The following DSCAML1 variants were observed in gnomAD, a reference collection of about 807,000 sequenced individuals.
DSCAML1 encodes the protein cell adhesion molecule DSCAML1.
DSCAML1 carries 38 observed loss-of-function variants against 200.5 expected under a neutral mutation model. The observed-to-expected ratio is 0.19, with a 90% CI of 0.15 to 0.25. The LOEUF (loss-of-function observed/expected upper bound fraction) is 0.25, where lower values mean the gene tolerates loss of function less well. Ranked by LOEUF, DSCAML1 falls within the 10% of genes least tolerant of loss-of-function variation. The pLI is 1.00. For synonymous variants in DSCAML1, 1,215 were observed against 1,165.0 expected (o/e 1.04, Z -0.87); for missense variants, 2,223 against 2,858.8 (o/e 0.78, Z 5.07).
At chr11:117,600,402 A>G (rs1377925124) in intron 3 of DSCAML1, among the ~76,000 whole-genome samples, 1 of 152,172 alleles carries the variant, frequency 6.6e-6, no homozygotes, top group East Asian at 1.9e-4. Flanking sequence ...GTAGAGCCGA[A>G]TCTCACTCTG....
At position 117,439,360 on chromosome 11, in the gene DSCAML1, C is replaced by T. The variant is rs751571225; in HGVS notation, c.4050G>A (p.Leu1350=). 5 of 1,613,896 alleles carry T rather than the reference C, an allele frequency of 3.1e-6. No individual in the cohort carries two copies. Among genetic ancestry groups the T allele is most frequent in the South Asian group, 1.1e-5 (1 of 91,088 alleles). ...RLIHTNGTLL[L]RAVKAEDSGY... Reference sequence around the variant, plus strand: ...CAGAGTCCTCAGCCTTCACTGCACGCAGCAGCAGTGTGCCATTGGTGTGGA... The same window carrying T: ...CAGAGTCCTCAGCCTTCACTGCACGTAGCAGCAGTGTGCCATTGGTGTGGA... Residue 1350 remains leucine (L), a synonymous_variant, in exon 23 of 33, where the codon CTG becomes CTA. Coordinates refer to ENST00000651296, the MANE Select transcript of DSCAML1 (RefSeq NM_020693.4).
chr11:117,534,385 A>G (rs2050130504), intron 3 of DSCAML1, among the ~76,000 whole-genome samples: 1 of 151,950 alleles, frequency 6.6e-6, no homozygotes, highest in East Asian at 1.9e-4. Flanking sequence ...GGGCTGGGGA[A>G]CTCCCTCCCT....
intron 11 of DSCAML1, among the ~76,000 whole-genome samples, chr11:117,492,712 C>CGGGTGG (rs892572883): frequency 1.2e-4 from 18 of 152,154 alleles, no homozygotes; most frequent in Non-Finnish European, 2.1e-4. Context: ...GTTGGCGCGC[C>CGGGTGG]GGGTGGTCGG....
chr11:117,504,907 C>A lies in DSCAML1; in HGVS notation c.2182+17G>T. ...TCCCTGCCCTTCTTGGAGATTCTGGCTGGGCCAGGGGCTTACCCTTGGCAT... is the reference window on the plus strand; with the variant it reads ...TCCCTGCCCTTCTTGGAGATTCTGGATGGGCCAGGGGCTTACCCTTGGCAT... On this transcript the variant is annotated intron_variant, in intron 10 of 32. Transcript: ENST00000651296. This position sits in a 1 kb window ranked among gnomAD's most constrained non-coding sequence, Gnocchi z 5.0. 6.3e-7 allele frequency: 1 copy of A among 1,586,426 alleles called. No individual in the cohort carries two copies. Among genetic ancestry groups the A allele is most frequent in the Non-Finnish European group, 8.6e-7 (1 of 1,162,228 alleles).
intron 3 of DSCAML1, among the ~76,000 whole-genome samples, chr11:117,637,136 T>G (rs1238577043): frequency 6.6e-6 from 1 of 152,060 alleles, no homozygotes; most frequent in Admixed American, 6.5e-5. Context: ...CTTGGGCCCT[T>G]GCCTCCAAGG....
chr11:117,759,199 G>A (rs942099150), intron 3 of DSCAML1, among the ~76,000 whole-genome samples: 4 of 152,090 alleles, frequency 2.6e-5, no homozygotes, highest in Non-Finnish European at 4.4e-5. Flanking sequence ...AAATACCCAG[G>A]GCATTAGGCT....
intron 3 of DSCAML1, among the ~76,000 whole-genome samples, chr11:117,641,523 T>G (rs2052407348): frequency 1.3e-5 from 2 of 152,192 alleles, no homozygotes; most frequent in African/African-American, 4.8e-5. Context: ...CCCTCCCATG[T>G]GACCTGGCCA....
chr11:117,685,254 G>A (rs2053385076), intron 3 of DSCAML1, among the ~76,000 whole-genome samples: 1 of 152,222 alleles, frequency 6.6e-6, no homozygotes, highest in African/African-American at 2.4e-5. Context: ...CTAAGATGAA[G>A]CTCAGACAGG....
Position 117,428,539 on chromosome 11 carries a change from G to A in DSCAML1, c.5951C>T (p.Ala1984Val), listed in dbSNP as rs760492346. ...AGGGGTGGGGCCGGGGGCTGGGGGG[G>A]CTGTGCCGGCTGGGGGGGCTGGCAT... ...LAMPAPPAGT[A>V]PPAPGPTPAE... Residue 1984 changes from alanine to valine, a missense_variant, in exon 33 of 33, where the codon GCC becomes GTC. Around this residue, in one of 7 missense-constraint regions of DSCAML1, gnomAD observed 280 missense variants for 213.4 expected, o/e 1.31. Coordinates refer to ENST00000651296, the MANE Select transcript of DSCAML1 (RefSeq NM_020693.4). 1.6e-4 allele frequency: 237 copies of A among 1,502,994 alleles called. No individual in the cohort carries two copies. The Middle Eastern group carries it at 2.8e-3, about 18-fold the overall frequency. 93.1% of individuals were successfully genotyped at this position (1,502,994 alleles called of 1,614,324 possible).
At chr11:117,663,747 A>G (rs1565860113) in intron 3 of DSCAML1, among the ~76,000 whole-genome samples, 2 of 152,014 alleles carry the variant, frequency 1.3e-5, no homozygotes, top group Non-Finnish European at 2.9e-5. Flanking sequence ...CCCTGGTGGG[A>G]GGCATTCTGT....
At chr11:117,441,999 G>T (rs544201786) in intron 21 of DSCAML1, among the ~76,000 whole-genome samples, 4 of 149,814 alleles carry the variant, frequency 2.7e-5, no homozygotes, top group Non-Finnish European at 5.9e-5. Flanking sequence ...TGTATGTGTG[G>T]GTGTGTATGT....
intron 3 of DSCAML1, among the ~76,000 whole-genome samples, chr11:117,712,641 G>A (rs1052383144): frequency 7.9e-5 from 12 of 151,968 alleles, no homozygotes; most frequent in Non-Finnish European, 1.3e-4. Context: ...CGCGCACGCC[G>A]ACAGCATCCT....
chr11:117,506,510 A>G (rs540898669), intron 8 of DSCAML1, among the ~76,000 whole-genome samples: 1 of 151,628 alleles, frequency 6.6e-6, no homozygotes, highest in East Asian at 1.9e-4. Context: ...CTCTCCAAGA[A>G]AGCCCCAGAC....
intron 17 of DSCAML1, among the ~76,000 whole-genome samples, chr11:117,464,156 C>T (rs898304016): frequency 1.4e-4 from 21 of 152,136 alleles, no homozygotes; most frequent in African/African-American, 4.3e-4. Flanking sequence ...GGCTCTGACT[C>T]GGGGGGCTTT....
At chr11:117,764,511 G>T (rs1048202386) in intron 3 of DSCAML1, among the ~76,000 whole-genome samples, 1 of 152,236 alleles carries the variant, frequency 6.6e-6, no homozygotes, top group African/African-American at 2.4e-5. Context: ...ACGCACACAG[G>T]AAGCACTCAG....
chr11:117,529,304 C>A (rs2050032823), intron 4 of DSCAML1, among the ~76,000 whole-genome samples: 1 of 152,182 alleles, frequency 6.6e-6, no homozygotes, highest in Non-Finnish European at 1.5e-5. Context: ...TCTTGAACTC[C>A]TGTCCTCAAG....
intron 3 of DSCAML1, among the ~76,000 whole-genome samples, chr11:117,623,190 C>CT (rs915481874): frequency 2.1e-4 from 31 of 146,904 alleles, no homozygotes; most frequent in East Asian, 1.6e-3. Context: ...ATGCTAAACT[C>CT]TTTTTTTTCT....
intron 3 of DSCAML1, among the ~76,000 whole-genome samples, chr11:117,596,010 C>A (rs1334537177): frequency 1.3e-5 from 2 of 152,208 alleles, no homozygotes; most frequent in Admixed American, 6.5e-5. Flanking sequence ...TGAATGACCA[C>A]ATTCAGCATC....
intron 3 of DSCAML1, among the ~76,000 whole-genome samples, chr11:117,683,543 C>T (rs1848123573): frequency 6.6e-6 from 1 of 152,204 alleles, no homozygotes; most frequent in African/African-American, 2.4e-5. Context: ...GAGATGGAAG[C>T]TCAGAGAGGT....
Sources: gnomAD v4.1 joint callset for allele counts (sites outside exome capture counted in the v4.1 genomes callset) on GRCh38, gnomAD v4.1.1 for gene constraint, gnomAD v4.1.1 regional missense constraint, Gnocchi (gnomAD v3.1) non-coding constraint, MANE v1.5 for transcripts, NCBI Gene and HGNC (gene_info 2026-07-23, HGNC 2026-07-21) for gene names.